The following SCN1A variants were observed in gnomAD, a reference collection of about 807,000 sequenced individuals.
The protein encoded by SCN1A is sodium channel protein type 1 subunit alpha.
In SCN1A, 13 loss-of-function variants were observed where a neutral mutation model predicts 193.7. The observed-to-expected ratio is 0.07, with a 90% CI of 0.04 to 0.11. The LOEUF (loss-of-function observed/expected upper bound fraction) is 0.11. SCN1A is among the 10% of genes least tolerant of loss of function. SCN1A has a pLI of 1.00. For synonymous variants in SCN1A, 781 were observed against 843.6 expected (o/e 0.93, Z 1.29); for missense variants, 1,432 against 2,451.1 (o/e 0.58, Z 8.78).
rs1696310424 is a variant in SCN1A at position 166,036,087 on chromosome 2, T to C, written c.3390A>G (p.Glu1130=). The change falls in exon 19 of 29, where the codon GAA becomes GAG. Residue 1130 remains glutamate, a synonymous_variant. Coordinates refer to ENST00000674923, the MANE Select transcript of SCN1A (RefSeq NM_001165963.4). ...CCAGATCCGATTCACTACTAAAGTC[T>C]TCCGTGTTTAAATTTTCAAAGTCAG... ...GESDFENLNT[E]DFSSESDLEE... 6.2e-7 allele frequency: 1 copy of C among 1,613,918 alleles called. No individual in the cohort carries two copies. Among genetic ancestry groups the C allele is most frequent in the Non-Finnish European group, 8.5e-7 (1 of 1,179,908 alleles).
intron 2 of SCN1A, among the ~76,000 whole-genome samples, chr2:166,120,777 C>T (rs1442727576): frequency 1.2e-4 from 18 of 151,388 alleles, no homozygotes; most frequent in Admixed American, 1.2e-3. Context: ...CCATGCCTGG[C>T]TAATTTTTTT....
intron 19 of SCN1A, chr2:166,027,270 C>T (rs1694920769): frequency 6.6e-6 from 1 of 152,088 alleles, no homozygotes; most frequent in South Asian, 2.1e-4. Context: ...ATGCAAATTT[C>T]TTGTTTTTTA....
At chr2:166,035,372 T>C (rs1362774584) in intron 19 of SCN1A, among the ~76,000 whole-genome samples, 2 of 152,192 alleles carry the variant, frequency 1.3e-5, no homozygotes, top group Non-Finnish European at 1.5e-5. Flanking sequence ...CTCACACGTA[T>C]ACTATATTAC....
intron 12 of SCN1A, 127 bp downstream of exon 12, chr2:166,046,643 A>C: frequency 3.4e-6 from 3 of 875,404 alleles, no homozygotes; most frequent in Non-Finnish European, 5.4e-6. Context: ...TAAGTGGATC[A>C]TCAAAATATA....
chr2:166,055,920 G>A (rs778769513), intron 6 of SCN1A, among the ~76,000 whole-genome samples: 1 of 151,968 alleles, frequency 6.6e-6, no homozygotes, highest in African/African-American at 2.4e-5. Context: ...TGAAACTTTG[G>A]ATTATTTTTC....
intron 23 of SCN1A, among the ~76,000 whole-genome samples, chr2:166,007,808 GAATT>G (rs1364530774): frequency 9.3e-5 from 14 of 151,328 alleles, no homozygotes; most frequent in African/African-American, 2.9e-4. Flanking sequence ...CTAGGGCAAA[GAATT>G]AAATGAGAGT....
chr2:166,128,345 AACTGT>A (rs1479572432), upstream of SCN1A, among the ~76,000 whole-genome samples: 3 of 152,144 alleles, frequency 2.0e-5, no homozygotes, highest in Non-Finnish European at 4.4e-5. Context: ...TTTAGTTTGA[AACTGT>A]TACTTTATTC....
rs763066350 is a variant in SCN1A at position 166,043,938 on chromosome 2, C to A, written c.1774G>T (p.Asp592Tyr). Residue 592 changes from aspartate (D) to tyrosine (Y), a missense_variant, in exon 14 of 29, where the codon GAT becomes TAT. This residue lies in a region of SCN1A where 316 missense variants were observed against 362.1 expected (regional missense o/e 0.87). Coordinates refer to ENST00000674923, the MANE Select transcript of SCN1A (RefSeq NM_001165963.4). ...TCCTCAAAGGTGCTGTGCTCATCAT[C>A]TGCGAAGTCGTTCTCAGATCCCACA... ...KDVGSENDFA[D>Y]DEHSTFEDNE... is the part of the protein sequence containing the mutation. 1 of 1,614,194 alleles carries A rather than the reference C, an allele frequency of 6.2e-7. No individual in the cohort carries two copies. The highest frequency in any genetic ancestry group is 8.5e-7 in the Non-Finnish European group (1 of 1,180,030).
intron 1 of SCN1A, among the ~76,000 whole-genome samples, chr2:166,142,159 C>T (rs967982417): frequency 6.6e-6 from 1 of 152,170 alleles, no homozygotes; most frequent in Non-Finnish European, 1.5e-5. Context: ...GGTAGGCAGA[C>T]AGCCAGATCA....
At chr2:166,141,012 T>C (rs1437264357) in intron 1 of SCN1A, among the ~76,000 whole-genome samples, 6 of 152,164 alleles carry the variant, frequency 3.9e-5, no homozygotes, top group African/African-American at 1.2e-4. Flanking sequence ...TCTGTGCACA[T>C]TGGTGTTTGA....
chr2:166,136,062 A>G (rs1165703709), intron 1 of SCN1A, among the ~76,000 whole-genome samples: 1 of 152,200 alleles, frequency 6.6e-6, no homozygotes, highest in Non-Finnish European at 1.5e-5. Context: ...AACATTTTCT[A>G]TGACACTTGA....
intron 19 of SCN1A, among the ~76,000 whole-genome samples, chr2:166,025,311 T>C (rs1694614966): frequency 6.6e-6 from 1 of 152,134 alleles, no homozygotes; most frequent in Non-Finnish European, 1.5e-5. Context: ...GCTTCCTACT[T>C]TCCTGCCAGC....
At chr2:166,031,114 T>C (rs1413645427) in intron 19 of SCN1A, among the ~76,000 whole-genome samples, 5 of 152,142 alleles carry the variant, frequency 3.3e-5, no homozygotes, top group Non-Finnish European at 7.4e-5. Context: ...TGAAGTCTCT[T>C]AGGACTTAAA....
rs1458605857 is a variant in SCN1A at position 166,048,864 on chromosome 2, TACAC to T, written c.1028+18_1028+21del. On this transcript the variant is annotated intron_variant, in intron 10 of 28. Transcript: ENST00000674923. ...ATGTGTACATACAAATATACACAGA[TACAC>T]ACAAATTATTGACTTACCCTGCATC... 1 of 1,480,796 alleles carries T rather than the reference TACAC, an allele frequency of 6.8e-7. No homozygotes were observed. Among genetic ancestry groups the T allele is most frequent in the African/African-American group, 1.4e-5 (1 of 72,538 alleles). The allele number at this position is 1,480,796 out of a possible 1,614,324, so 91.7% of individuals were successfully genotyped here.
chr2:166,097,329 G>A lies in SCN1A; in HGVS notation c.-141-19528C>T, dbSNP rs950628039. ...TACAAATGTACAGTGATTACACTTC[G>A]TTTCTATTTTTGAAACTTTTTTCAC... On this transcript the variant is annotated intron_variant, in intron 2 of 28. Transcript: ENST00000674923. Among the ~76,000 whole-genome samples, 4 of 151,946 alleles carry A rather than the reference G, an allele frequency of 2.6e-5. No individual in the cohort carries two copies. In the South Asian group the frequency reaches 6.2e-4, roughly 24 times the overall value.
At chr2:166,003,344 T>A (rs1691195962) in intron 23 of SCN1A, among the ~76,000 whole-genome samples, 1 of 151,636 alleles carries the variant, frequency 6.6e-6, no homozygotes, top group Non-Finnish European at 1.5e-5. Flanking sequence ...GATCATCACA[T>A]CGTTTATTTC....
At chr2:166,086,158 C>T (rs1686087932) in intron 2 of SCN1A, among the ~76,000 whole-genome samples, 1 of 152,048 alleles carries the variant, frequency 6.6e-6, no homozygotes. Context: ...TCAGACATAC[C>T]TCCTTATAAC....
chr2:166,131,131 A>G (rs1469690053), upstream of SCN1A, among the ~76,000 whole-genome samples: 1 of 152,130 alleles, frequency 6.6e-6, no homozygotes, highest in Admixed American at 6.6e-5. Flanking sequence ...TACGTTTCCA[A>G]CTTCAAAAAA....
At position 166,041,475 on chromosome 2, in the gene SCN1A, T is replaced by TTAA; in HGVS notation, c.2177-9_2177-7dup. 2.1e-6 allele frequency: 3 copies of TTAA among 1,413,086 alleles called. No homozygotes were observed. The highest frequency in any genetic ancestry group is 2.9e-6 in the Non-Finnish European group (3 of 1,046,204). 87.5% of individuals were successfully genotyped at this position (1,413,086 alleles called of 1,614,324 possible). ...CTGCCTGGATTCTTCAAGTTCTAGATTAAGAAAAAAAAAAAAAAGAACCAC... is the reference window on the plus strand; with the variant it reads ...CTGCCTGGATTCTTCAAGTTCTAGATTAATAAGAAAAAAAAAAAAAAGAACCAC... On this transcript the variant is annotated splice_polypyrimidine_tract_variant and splice_region_variant and intron_variant, in intron 15 of 28. Coordinates refer to ENST00000674923, the MANE Select transcript of SCN1A (RefSeq NM_001165963.4).
Sources: allele counts gnomAD v4.1 joint callset (sites outside exome capture counted in the v4.1 genomes callset), GRCh38; gene constraint gnomAD v4.1.1; regional missense constraint gnomAD v4.1.1; transcripts MANE v1.5; gene names NCBI Gene and HGNC (gene_info 2026-07-23, HGNC 2026-07-21).